Variants in FOXN3 observed in about 807,000 individuals in gnomAD.
The protein encoded by FOXN3 is forkhead box N3.
Under a neutral mutation model 38.4 loss-of-function variants are expected in FOXN3, and 7 were observed. The observed-to-expected ratio is 0.18, with a 90% CI of 0.10 to 0.34. FOXN3 has a LOEUF of 0.34. FOXN3 is among the 10% of genes least tolerant of loss of function. FOXN3 has a pLI of 1.00. For synonymous variants in FOXN3, 230 were observed against 242.2 expected (o/e 0.95, Z 0.47); for missense variants, 456 against 613.4 (o/e 0.74, Z 2.71).
At chr14:89,549,480 A>G (rs1284587762) in intron 1 of FOXN3, among the ~76,000 whole-genome samples, 1 of 152,090 alleles carries the variant, frequency 6.6e-6, no homozygotes, top group South Asian at 2.1e-4. Context: ...TCCTCTGAGC[A>G]GAGCCCTCTC....
chr14:89,367,319 C>T (rs1401070321), intron 2 of FOXN3, among the ~76,000 whole-genome samples: 1 of 152,228 alleles, frequency 6.6e-6, no homozygotes, highest in African/African-American at 2.4e-5. Context: ...AACCATGAAG[C>T]AGATCCCTTT....
intron 3 of FOXN3, among the ~76,000 whole-genome samples, chr14:89,308,240 G>T (rs999208493): frequency 2.0e-5 from 3 of 152,194 alleles, no homozygotes; most frequent in Non-Finnish European, 4.4e-5. Context: ...CTCCACCCTG[G>T]GTGCCAGAGT....
chr14:89,193,540 C>A (rs1177160134), intron 4 of FOXN3, among the ~76,000 whole-genome samples: 1 of 152,106 alleles, frequency 6.6e-6, no homozygotes, highest in African/African-American at 2.4e-5. Context: ...CACCCCCCCA[C>A]CTTCTGTTAT....
chr14:89,207,503 G>A (rs1452870395), intron 4 of FOXN3, among the ~76,000 whole-genome samples: 1 of 152,178 alleles, frequency 6.6e-6, no homozygotes, highest in Non-Finnish European at 1.5e-5. Context: ...AATACATACA[G>A]AAGAAATTAT....
intron 3 of FOXN3, among the ~76,000 whole-genome samples, chr14:89,291,756 G>A (rs939537023): frequency 1.3e-5 from 2 of 152,202 alleles, no homozygotes; most frequent in Admixed American, 1.3e-4. Flanking sequence ...CCTTGAACGT[G>A]TTTGCGAACT....
chr14:89,338,444 A>T (rs1888526108), intron 3 of FOXN3, among the ~76,000 whole-genome samples: 1 of 152,210 alleles, frequency 6.6e-6, no homozygotes, highest in African/African-American at 2.4e-5. Context: ...AAAGCACAGA[A>T]CATAAAGTAT....
intron 1 of FOXN3, among the ~76,000 whole-genome samples, chr14:89,475,977 C>T (rs1893201387): frequency 6.6e-6 from 1 of 152,150 alleles, no homozygotes; most frequent in African/African-American, 2.4e-5. Context: ...TTTCCTGCCC[C>T]TTGTTCACCT....
At chr14:89,332,094 C>T (rs1176458838) in intron 3 of FOXN3, among the ~76,000 whole-genome samples, 1 of 152,168 alleles carries the variant, frequency 6.6e-6, no homozygotes, top group African/African-American at 2.4e-5. Flanking sequence ...CCCCAGGAAG[C>T]TGTTCATGTG....
chr14:89,219,618 T>C (rs562634087), intron 4 of FOXN3, among the ~76,000 whole-genome samples: 5 of 152,336 alleles, frequency 3.3e-5, no homozygotes, highest in Non-Finnish European at 5.9e-5. Flanking sequence ...TCTTACCACG[T>C]ACTGGAAGTA....
At chr14:89,444,875 C>T (rs28647859) in intron 1 of FOXN3, among the ~76,000 whole-genome samples, 3,381 of 152,234 alleles carry the variant, frequency 0.022, 35 homozygotes, top group Middle Eastern at 0.037. Context: ...AGTCCCGGCA[C>T]TTTGGGAGGC....
chr14:89,235,753 G>A (rs181038233), intron 4 of FOXN3, among the ~76,000 whole-genome samples: 32 of 152,306 alleles, frequency 2.1e-4, no homozygotes, highest in South Asian at 2.1e-3. Context: ...AACCTGACCC[G>A]CTGTGGTTGT....
intron 1 of FOXN3, among the ~76,000 whole-genome samples, chr14:89,575,363 T>C (rs886331165): frequency 6.6e-6 from 1 of 151,644 alleles, no homozygotes; most frequent in Non-Finnish European, 1.5e-5. Flanking sequence ...AATTGGGAGG[T>C]CGTTTTGGGT....
intron 3 of FOXN3, among the ~76,000 whole-genome samples, chr14:89,313,552 G>A (rs933166851): frequency 6.9e-6 from 1 of 145,664 alleles, no homozygotes; most frequent in East Asian, 2.0e-4. Context: ...GCAAGATGCT[G>A]TCTTAAAAAA....
At chr14:89,606,723 G>A (rs1474198406) in intron 1 of FOXN3, among the ~76,000 whole-genome samples, 3 of 152,126 alleles carry the variant, frequency 2.0e-5, no homozygotes, top group South Asian at 2.1e-4. Context: ...GGTGGCGCAC[G>A]CCTGTAATCC....
intron 5 of FOXN3, among the ~76,000 whole-genome samples, chr14:89,167,538 G>A (rs571519507): frequency 6.6e-6 from 1 of 152,350 alleles, no homozygotes; most frequent in East Asian, 1.9e-4. Flanking sequence ...ACTGGAGCAA[G>A]TTCAAAGCTT....
chr14:89,375,335 A>C (rs1890447526), intron 2 of FOXN3, among the ~76,000 whole-genome samples: 1 of 152,176 alleles, frequency 6.6e-6, no homozygotes, highest in East Asian at 1.9e-4. Context: ...CACAAATTTA[A>C]ATTTTTTTAA....
chr14:89,299,827 A>G (rs1028955946), intron 3 of FOXN3, among the ~76,000 whole-genome samples: 16 of 152,226 alleles, frequency 1.1e-4, no homozygotes, highest in Non-Finnish European at 1.8e-4. Context: ...GCTGAGGACT[A>G]GACAATGTTA....
At chr14:89,414,090 G>A (rs1053629808) in intron 1 of FOXN3, among the ~76,000 whole-genome samples, 1 of 152,070 alleles carries the variant, frequency 6.6e-6, no homozygotes, top group Admixed American at 6.6e-5. Flanking sequence ...TGAGGCAGGA[G>A]GATCCCTTGA....
chr14:89,610,116 T>C (rs1294566496), intron 1 of FOXN3, among the ~76,000 whole-genome samples: 2 of 152,092 alleles, frequency 1.3e-5, no homozygotes, highest in Non-Finnish European at 2.9e-5. Flanking sequence ...ATGATTATTC[T>C]AAAACATCTA....
Sources: allele counts gnomAD v4.1 joint callset (sites outside exome capture counted in the v4.1 genomes callset), GRCh38; gene constraint gnomAD v4.1.1; transcripts MANE v1.5; gene names NCBI Gene and HGNC (gene_info 2026-07-23, HGNC 2026-07-21).